EEA1: variants seen among roughly 807,000 people sequenced by gnomAD.
EEA1 encodes the protein early endosome antigen 1, also known as early endosome antigen 1, 162kD.
A neutral mutation model predicts 209.2 loss-of-function variants in EEA1; 111 were observed. The observed-to-expected ratio is 0.53, with a 90% CI of 0.45 to 0.62. The LOEUF is 0.62. EEA1 is among the 20% of genes least tolerant of loss of function. The probability of loss-of-function intolerance (pLI) is 0.00; values close to 1 mark genes in which losing one functional copy is unlikely to be tolerated. For synonymous variants in EEA1, 536 were observed against 540.6 expected, an observed-to-expected ratio of 0.99 and a Z score of 0.12; for missense variants, 1,343 against 1,530.8, an observed-to-expected ratio of 0.88 and a Z score of 2.05.
intron 12 of EEA1, among the ~76,000 whole-genome samples, chr12:92,827,089 C>T (rs577214399): frequency 3.9e-5 from 6 of 152,126 alleles, no homozygotes; most frequent in Non-Finnish European, 7.4e-5. Context: ...GTTGTGGTGG[C>T]TCACACCCGT....
intron 13 of EEA1, among the ~76,000 whole-genome samples, chr12:92,822,831 G>A (rs565098327): frequency 5.9e-5 from 9 of 151,414 alleles, no homozygotes; most frequent in African/African-American, 9.7e-5. Flanking sequence ...TAAATATATC[G>A]CGCTGGTGCC....
intron 2 of EEA1, among the ~76,000 whole-genome samples, chr12:92,880,695 T>C (rs1359652736): frequency 2.0e-5 from 3 of 152,126 alleles, no homozygotes; most frequent in African/African-American, 7.2e-5. Flanking sequence ...CAGGATGGTC[T>C]CGATCTCCTG....
chr12:92,814,226 C>A (rs950255956), intron 15 of EEA1, among the ~76,000 whole-genome samples: 13 of 151,886 alleles, frequency 8.6e-5, no homozygotes, highest in African/African-American at 3.1e-4. Context: ...TTCTCAATAT[C>A]AAAATACTTA....
At chr12:92,816,065 A>T in intron 15 of EEA1, 135 bp downstream of exon 15, 1 of 727,134 alleles carries the variant, frequency 1.4e-6, no homozygotes, top group Non-Finnish European at 2.2e-6. Context: ...CAAATTATCT[A>T]GATATAGCCT....
At chr12:92,797,522 C>T (rs1874709829) in intron 21 of EEA1, among the ~76,000 whole-genome samples, 2 of 152,116 alleles carry the variant, frequency 1.3e-5, no homozygotes, top group Non-Finnish European at 2.9e-5. Flanking sequence ...ATATTAATCA[C>T]AAATCCAAAA....
intron 1 of EEA1, among the ~76,000 whole-genome samples, chr12:92,922,429 G>A (rs967071295): frequency 1.1e-4 from 16 of 152,162 alleles, no homozygotes; most frequent in African/African-American, 3.6e-4. Context: ...AGGGCCAGAG[G>A]TCCAGAAATT....
In EEA1 at chr12:92,793,945, C is replaced by T. The variant is rs150969554; in HGVS notation, c.2967+4947G>A. 5.8e-3 allele frequency among the ~76,000 whole-genome samples: 889 copies of T among 152,214 alleles called. 9 individuals carry two copies. Among genetic ancestry groups the T allele is most frequent in the African/African-American group, 0.019 (807 of 41,538 alleles). ...ACTACCATCAGAGCGAACAGGCAACCTACAGAATGGGAGAAAATTTTTGCA... is the reference window on the plus strand; with the variant it reads ...ACTACCATCAGAGCGAACAGGCAACTTACAGAATGGGAGAAAATTTTTGCA... On this transcript the variant is annotated intron_variant, in intron 21 of 28. Coordinates refer to ENST00000322349, the MANE Select transcript of EEA1 (RefSeq NM_003566.4).
intron 22 of EEA1, among the ~76,000 whole-genome samples, chr12:92,786,462 CATAG>C (rs1322734054): frequency 6.6e-6 from 1 of 152,044 alleles, no homozygotes; most frequent in Non-Finnish European, 1.5e-5. Flanking sequence ...CAGATAGATA[CATAG>C]ATAGATACAT....
At chr12:92,780,464 A>C in intron 23 of EEA1, 53 bp from the exon 24 acceptor site, 1 of 1,243,088 alleles carries the variant, frequency 8.0e-7, no homozygotes, top group Non-Finnish European at 1.1e-6. Flanking sequence ...ACTTAAATGA[A>C]AATGGGTGTA....
rs938625744 is a variant in EEA1 at position 92,770,652 on chromosome 12, A to T, written c.*5359T>A. 1.2e-4 allele frequency: 19 copies of T among 153,004 alleles called. No homozygotes were observed. The highest frequency in any genetic ancestry group is 2.0e-4 in the Admixed American group (3 of 15,280). The allele number at this position is 153,004 out of a possible 1,614,324, so 9.5% of individuals were successfully genotyped here. Reference sequence around the variant, plus strand: ...ACCGCTTTATAGTCCTACCTCAAACATAATGATAAATCTTTAGATACAAAG... The same window carrying T: ...ACCGCTTTATAGTCCTACCTCAAACTTAATGATAAATCTTTAGATACAAAG... On this transcript the variant is annotated 3_prime_UTR_variant, in exon 29 of 29. Coordinates refer to ENST00000322349, the MANE Select transcript of EEA1 (RefSeq NM_003566.4).
At chr12:92,870,843 G>A (rs1878611389) in intron 2 of EEA1, among the ~76,000 whole-genome samples, 1 of 151,718 alleles carries the variant, frequency 6.6e-6, no homozygotes, top group South Asian at 2.1e-4. Flanking sequence ...CACCCAGCTA[G>A]TTTTTGTATT....
At chr12:92,873,410 C>T (rs1465478714) in intron 2 of EEA1, among the ~76,000 whole-genome samples, 1 of 152,036 alleles carries the variant, frequency 6.6e-6, no homozygotes, top group Non-Finnish European at 1.5e-5. Context: ...AAAGGATAGA[C>T]AATTATAGTA....
At chr12:92,850,669 G>C (rs111826602) in intron 9 of EEA1, among the ~76,000 whole-genome samples, 1 of 105,414 alleles carries the variant, frequency 9.5e-6, no homozygotes, top group Admixed American at 1.4e-4. Context: ...CAGCCTGGGT[G>C]ACAGAGCAAG....
intron 13 of EEA1, 108 bp from the exon 14 acceptor site, chr12:92,819,619 C>T (rs1205408622): frequency 2.7e-6 from 2 of 745,960 alleles, no homozygotes; most frequent in African/African-American, 1.8e-5. Flanking sequence ...CTCAGTCTTA[C>T]ATTTTTTAAA....
intron 21 of EEA1, among the ~76,000 whole-genome samples, chr12:92,790,613 A>G (rs1365284817): frequency 1.3e-5 from 2 of 152,200 alleles, no homozygotes; most frequent in Non-Finnish European, 2.9e-5. Context: ...TCCAAGAAAT[A>G]TGGACTGTGT....
chr12:92,921,087 AG>A (rs1880969638), intron 1 of EEA1, among the ~76,000 whole-genome samples: 2 of 152,210 alleles, frequency 1.3e-5, no homozygotes, highest in Non-Finnish European at 2.9e-5. Context: ...ATCATTAAAA[AG>A]TCAGGAAACG....
At position 92,811,296 on chromosome 12, in the gene EEA1, G is replaced by T. The variant is rs1201573092; in HGVS notation, c.2182C>A (p.Leu728Ile). ...YLSLEQKTEELEGQIKKLEAD... is the reference protein window; with the variant it reads ...YLSLEQKTEEIEGQIKKLEAD... ...ATACAAACCTTAATTTGACCTTCTA[G>T]CTCTTCGGTTTTCTGTTCTAAAGAG... Residue 728 changes from leucine to isoleucine, a missense_variant, in exon 17 of 29, where the codon CTA becomes ATA. Physicochemically the swap from Leu to Ile is conservative, Grantham distance 5. This residue lies in a region of EEA1 where 1,307 missense variants were observed against 1,465.5 expected (regional missense o/e 0.89). Transcript: ENST00000322349. 2 of 1,564,958 alleles carry T rather than the reference G, an allele frequency of 1.3e-6. No homozygotes were observed. The highest frequency in any genetic ancestry group is 2.8e-5 in the African/African-American group (2 of 71,874).
At chr12:92,895,158 T>C (rs1404891788) in intron 1 of EEA1, among the ~76,000 whole-genome samples, 1 of 44,552 alleles carries the variant, frequency 2.2e-5, no homozygotes, top group East Asian at 1.0e-3. Context: ...TTTTTTTTTT[T>C]TTTTTTTTTT....
chr12:92,849,547 T>G (rs1480081084), intron 9 of EEA1, among the ~76,000 whole-genome samples: 6 of 152,212 alleles, frequency 3.9e-5, no homozygotes, highest in African/African-American at 1.4e-4. Context: ...TTTGAAAATT[T>G]TTGGAATTAA....
Sources: allele counts gnomAD v4.1 joint callset (sites outside exome capture counted in the v4.1 genomes callset), GRCh38; gene constraint gnomAD v4.1.1; regional missense constraint gnomAD v4.1.1; transcripts MANE v1.5; gene names NCBI Gene and HGNC (gene_info 2026-07-23, HGNC 2026-07-21).